Variants in PTPRO observed in about 807,000 individuals in gnomAD.
PTPRO encodes receptor-type tyrosine-protein phosphatase O.
PTPRO carries 62 observed loss-of-function variants against 145.2 expected under a neutral mutation model. The observed-to-expected ratio is 0.43, with a 90% CI of 0.35 to 0.53. The LOEUF is 0.53. Ranked by LOEUF, PTPRO falls within the 20% of genes least tolerant of loss-of-function variation. The probability of loss-of-function intolerance (pLI) is 0.01; values close to 1 mark genes in which losing one functional copy is unlikely to be tolerated. For synonymous variants in PTPRO, 565 were observed against 514.7 expected, an observed-to-expected ratio of 1.10 and a Z score of -1.32; for missense variants, 1,345 against 1,482.7, an observed-to-expected ratio of 0.91 and a Z score of 1.53.
At chr12:15,518,147 C>A (rs1043452467) in intron 9 of PTPRO, among the ~76,000 whole-genome samples, 1 of 152,224 alleles carries the variant, frequency 6.6e-6, no homozygotes, top group Non-Finnish European at 1.5e-5. Flanking sequence ...CAGTTCTTGA[C>A]TCCTGTGCAC....
At chr12:15,366,466 T>A (rs960524) in intron 1 of PTPRO, among the ~76,000 whole-genome samples, 25,407 of 152,160 alleles carry the variant, frequency 0.17, 5,040 homozygotes, top group African/African-American at 0.48. Context: ...TGATTGCTTG[T>A]TGAAAAGCAT....
intron 10 of PTPRO, among the ~76,000 whole-genome samples, chr12:15,522,583 CT>C (rs1479280640): frequency 6.6e-6 from 1 of 152,006 alleles, no homozygotes; most frequent in Non-Finnish European, 1.5e-5. Flanking sequence ...AAATAAGAAT[CT>C]CATGCTTAAC....
chr12:15,404,753 T>C (rs1939600741), intron 1 of PTPRO, among the ~76,000 whole-genome samples: 1 of 152,240 alleles, frequency 6.6e-6, no homozygotes, highest in African/African-American at 2.4e-5. Flanking sequence ...ACTCTATGTG[T>C]CAACTGACTT....
At chr12:15,397,622 A>C (rs1302820068) in intron 1 of PTPRO, among the ~76,000 whole-genome samples, 1 of 152,104 alleles carries the variant, frequency 6.6e-6, no homozygotes. Flanking sequence ...AGTCTCAATG[A>C]CCCACAAGGC....
In PTPRO at chr12:15,546,594, C is replaced by T. The variant is rs757078117; in HGVS notation, c.2190C>T (p.Phe730=). Residue 730 remains phenylalanine, a synonymous_variant, in exon 13 of 27, where the codon TTC becomes TTT. Coordinates refer to ENST00000281171, the MANE Select transcript of PTPRO (RefSeq NM_030667.3). ...AACCAGCTCCACCCAAATCACTCTT[C>T]GCAGTGAACAAAACCCAGACTTCAG... is the stretch of plus-strand genomic sequence containing the variant. ...KLEPAPPKSL[F]AVNKTQTSVT... The T allele has an allele frequency of 1.1e-4, 179 of 1,611,126 alleles. No homozygotes were observed. Among genetic ancestry groups the T allele is most frequent in the Admixed American group, 2.2e-4 (13 of 59,722 alleles).
intron 1 of PTPRO, among the ~76,000 whole-genome samples, chr12:15,457,659 T>C (rs1941210908): frequency 6.6e-6 from 1 of 152,182 alleles, no homozygotes. Context: ...ATCTTTGTGG[T>C]TACCAAAGGT....
chr12:15,541,931 A>G (rs1236474887), intron 12 of PTPRO, among the ~76,000 whole-genome samples: 2 of 152,072 alleles, frequency 1.3e-5, no homozygotes, highest in Non-Finnish European at 2.9e-5. Context: ...GGATCGCTTG[A>G]ATCTGGGAGG....
intron 1 of PTPRO, among the ~76,000 whole-genome samples, chr12:15,353,458 T>C (rs1256465885): frequency 6.6e-6 from 1 of 152,240 alleles, no homozygotes; most frequent in Admixed American, 6.5e-5. Context: ...GGATACCCTT[T>C]ACAGATTTTT....
chr12:15,453,363 C>A (rs1205900842), intron 1 of PTPRO, among the ~76,000 whole-genome samples: 2 of 152,132 alleles, frequency 1.3e-5, no homozygotes, highest in Non-Finnish European at 2.9e-5. Flanking sequence ...GTCTGACATA[C>A]TTCCTAATTG....
intron 10 of PTPRO, among the ~76,000 whole-genome samples, chr12:15,521,775 A>G (rs1942726396): frequency 6.6e-6 from 1 of 152,238 alleles, no homozygotes; most frequent in East Asian, 1.9e-4. Flanking sequence ...TTTAAGGGGG[A>G]ACAAAAGAAA....
chr12:15,324,360 C>T (rs778507317), intron 1 of PTPRO, among the ~76,000 whole-genome samples: 4 of 152,068 alleles, frequency 2.6e-5, no homozygotes, highest in Non-Finnish European at 5.9e-5. Flanking sequence ...AAGAGAATGA[C>T]TTGGTTGGGA....
At chr12:15,560,165 TC>T (rs1355605068) in intron 16 of PTPRO, 27 bp from the exon 17 acceptor site, 1 of 1,506,172 alleles carries the variant, frequency 6.6e-7, no homozygotes, top group South Asian at 1.1e-5. Flanking sequence ...TTTTCATCTT[TC>T]CATCTGTTGT....
intron 1 of PTPRO, among the ~76,000 whole-genome samples, chr12:15,426,594 G>T (rs1940292542): frequency 6.6e-6 from 1 of 151,894 alleles, no homozygotes; most frequent in Non-Finnish European, 1.5e-5. Flanking sequence ...GCTGCTTTAG[G>T]TTCTCAATCT....
chr12:15,346,951 TC>T (rs1489496891), intron 1 of PTPRO, among the ~76,000 whole-genome samples: 1 of 152,168 alleles, frequency 6.6e-6, no homozygotes, highest in Admixed American at 6.5e-5. Flanking sequence ...TCTGAATTTT[TC>T]TCTGTTCCTC....
chr12:15,365,829 A>G (rs1938343478), intron 1 of PTPRO, among the ~76,000 whole-genome samples: 1 of 152,280 alleles, frequency 6.6e-6, no homozygotes, highest in Middle Eastern at 3.4e-3. Context: ...CCTGCACTAA[A>G]GGGCTATGAA....
intron 23 of PTPRO, among the ~76,000 whole-genome samples, chr12:15,583,521 A>G (rs1944367905): frequency 6.6e-6 from 1 of 152,088 alleles, no homozygotes; most frequent in African/African-American, 2.4e-5. Flanking sequence ...CAAGAAAAAT[A>G]GTATTTTATG....
chr12:15,580,354 T>C (rs1188911838), intron 21 of PTPRO, among the ~76,000 whole-genome samples: 4 of 152,256 alleles, frequency 2.6e-5, no homozygotes, highest in African/African-American at 9.6e-5. Context: ...AGGTTAAAGA[T>C]CACCTCTCTT....
Position 15,513,140 on chromosome 12 carries a change from GAAGA to G in PTPRO, c.1465-2343_1465-2340del, listed in dbSNP as rs1395239170. Among the ~76,000 whole-genome samples, 23 of 10,932 alleles carry G rather than the reference GAAGA, an allele frequency of 2.1e-3. 2 individuals are homozygous for G. Among genetic ancestry groups the G allele is most frequent in the African/African-American group, 5.3e-3 (16 of 3,002 alleles). 7.2% of individuals were successfully genotyped at this position (10,932 alleles called of 152,430 possible). On this transcript the variant is annotated intron_variant, in intron 7 of 26. Coordinates refer to ENST00000281171, the MANE Select transcript of PTPRO (RefSeq NM_030667.3). ...GGAAGGAAGGAAGGAAGGAAGGAAG[GAAGA>G]AAGAAAGAAAGAAAAAGAAAGAAAG...
chr12:15,568,919 A>G (rs1311341594), intron 18 of PTPRO, among the ~76,000 whole-genome samples: 1 of 152,160 alleles, frequency 6.6e-6, no homozygotes, highest in South Asian at 2.1e-4. Context: ...AAGCTGTTGA[A>G]ACTTACAAAG....
Sources: allele counts gnomAD v4.1 joint callset (sites outside exome capture counted in the v4.1 genomes callset), GRCh38; gene constraint gnomAD v4.1.1; transcripts MANE v1.5; gene names NCBI Gene and HGNC (gene_info 2026-07-23, HGNC 2026-07-21).